ANXA5: variants seen among roughly 807,000 people sequenced by gnomAD.
ANXA5 encodes annexin A5, also known as CBP-I.
ANXA5 carries 40 observed loss-of-function variants against 48.1 expected under a neutral mutation model. The ratio of observed to expected loss-of-function variants is 0.83; its 90% confidence interval spans 0.65 to 1.08. The LOEUF (loss-of-function observed/expected upper bound fraction) is 1.08, where lower values mean the gene tolerates loss of function less well. Ranked by LOEUF, ANXA5 falls within the 50% of genes least tolerant of loss-of-function variation. The pLI, the probability that ANXA5 is intolerant of heterozygous loss-of-function variation, is 0.00. For synonymous variants in ANXA5, 113 were observed against 129.1 expected, an observed-to-expected ratio of 0.88 and a Z score of 0.85; for missense variants, 357 against 376.8, an observed-to-expected ratio of 0.95 and a Z score of 0.44.
At position 121,672,528 on chromosome 4, in the gene ANXA5, C is replaced by T. The variant is rs1239358852; in HGVS notation, c.625+5G>A. 1.9e-6 allele frequency: 3 copies of T among 1,610,942 alleles called. No homozygotes were observed. Among genetic ancestry groups the T allele is most frequent in the Non-Finnish European group, 2.5e-6 (3 of 1,177,826 alleles). On this transcript the variant is annotated splice_donor_5th_base_variant and intron_variant, in intron 9 of 12. Coordinates refer to ENST00000296511, the MANE Select transcript of ANXA5 (RefSeq NM_001154.4). ...ATCTGCCCCATACAGATTTTTTTCA[C>T]TCACCCTTTCTCAAATGAGACACAC...
chr4:121,694,042 T>G (rs1280199954), intron 2 of ANXA5, among the ~76,000 whole-genome samples: 3 of 140,842 alleles, frequency 2.1e-5, no homozygotes, highest in African/African-American at 7.8e-5. Context: ...CTGATGTTCA[T>G]GAGAACACTT....
In ANXA5 at chr4:121,686,291, A is replaced by T; in HGVS notation, c.91T>A (p.Leu31Met). The T allele has an allele frequency of 1.2e-6, 2 of 1,613,390 alleles. No individual in the cohort carries two copies. The highest frequency in any genetic ancestry group is 1.7e-6 in the Non-Finnish European group (2 of 1,179,618). ...AGAAAGAGGAAGCTAAATTTACCCA[A>T]GCCTTTCATAGCCTTCCGAAGAGTT... ...AETLRKAMKG[L>M]GTDEESILTL... The change falls in exon 3 of 13, where the codon TTG (leucine) becomes ATG (methionine). Residue 31 changes from leucine (L) to methionine (M), a missense_variant. Transcript: ENST00000296511.
chr4:121,683,278 T>G, intron 5 of ANXA5, 86 bp downstream of exon 5: 1 of 783,340 alleles, frequency 1.3e-6, no homozygotes, highest in East Asian at 3.1e-5. Context: ...ATAAAATTTT[T>G]TAAATATAAC....
chr4:121,695,490 G>A (rs546872493), intron 2 of ANXA5, among the ~76,000 whole-genome samples: 8 of 152,326 alleles, frequency 5.3e-5, no homozygotes, highest in Non-Finnish European at 1.2e-4. Context: ...AAGCCGGTTA[G>A]ATTGACAAGA....
At chr4:121,676,772 G>C (rs1197132470) in intron 8 of ANXA5, among the ~76,000 whole-genome samples, 1 of 152,096 alleles carries the variant, frequency 6.6e-6, no homozygotes, top group African/African-American at 2.4e-5. Context: ...GGTGAAGCGG[G>C]GTGGGAGGGG....
chr4:121,695,698 T>A (rs1292117124), intron 2 of ANXA5, among the ~76,000 whole-genome samples: 4 of 151,180 alleles, frequency 2.6e-5, no homozygotes, highest in African/African-American at 9.7e-5. Flanking sequence ...AGGCAAGGAG[T>A]TTGAGACCAG....
At chr4:121,682,629 G>C (rs1021204750) in intron 5 of ANXA5, among the ~76,000 whole-genome samples, 1 of 152,030 alleles carries the variant, frequency 6.6e-6, no homozygotes, top group Admixed American at 6.6e-5. Flanking sequence ...GGAAAATGAA[G>C]AGACTGAGCA....
intron 9 of ANXA5, among the ~76,000 whole-genome samples, chr4:121,671,995 A>C (rs938534850): frequency 6.6e-6 from 1 of 152,200 alleles, no homozygotes; most frequent in African/African-American, 2.4e-5. Context: ...GAGCTAGAGC[A>C]GACATCTTAT....
chr4:121,685,645 G>C (rs1355019875), intron 3 of ANXA5, among the ~76,000 whole-genome samples: 2 of 152,206 alleles, frequency 1.3e-5, no homozygotes, highest in Admixed American at 1.3e-4. Flanking sequence ...AGTACAAAAG[G>C]AGCCTGAGCA....
intron 2 of ANXA5, among the ~76,000 whole-genome samples, chr4:121,690,433 G>C (rs1210262306): frequency 1.3e-5 from 2 of 152,206 alleles, no homozygotes; most frequent in Non-Finnish European, 2.9e-5. Flanking sequence ...AGCTAAGAGT[G>C]AAAGGGTCCA....
intron 6 of ANXA5, among the ~76,000 whole-genome samples, chr4:121,681,032 G>C (rs996692566): frequency 6.6e-6 from 1 of 152,124 alleles, no homozygotes; most frequent in South Asian, 2.1e-4. Flanking sequence ...TCAGGCAGGA[G>C]AAAGAGTTGG....
chr4:121,694,787 G>T (rs962142745), intron 2 of ANXA5, among the ~76,000 whole-genome samples: 6 of 152,120 alleles, frequency 3.9e-5, no homozygotes, highest in Admixed American at 1.3e-4. Flanking sequence ...AACATTACTT[G>T]TAACTTTTAT....
Position 121,672,526 on chromosome 4 carries a change from C to T in ANXA5, c.625+7G>A. 1 of 1,609,640 alleles carries T rather than the reference C, an allele frequency of 6.2e-7. No individual in the cohort carries two copies. Among genetic ancestry groups the T allele is most frequent in the Non-Finnish European group, 8.5e-7 (1 of 1,176,930 alleles). ...GTATCTGCCCCATACAGATTTTTTT[C>T]ACTCACCCTTTCTCAAATGAGACAC... On this transcript the variant is annotated splice_region_variant and intron_variant, in intron 9 of 12. Coordinates refer to ENST00000296511, the MANE Select transcript of ANXA5 (RefSeq NM_001154.4).
Position 121,669,702 on chromosome 4 carries a change from G to C in ANXA5, c.803C>G (p.Thr268Ser), listed in dbSNP as rs778608015. 3.1e-6 allele frequency: 5 copies of C among 1,610,816 alleles called. No homozygotes were observed. The East Asian group carries it at 6.7e-5, about 22-fold the overall frequency. The change falls in exon 12 of 13, where the codon ACC (threonine) becomes AGC (serine). Residue 268 changes from threonine to serine, a missense_variant. Physicochemically the swap from Thr to Ser is moderately conservative, Grantham distance 58. Transcript: ENST00000296511. ...AMKGAGTDDH[T>S]LIRVMVSRSE... ...CCTGGAAACCATGACTCTGATGAGG[G>C]TATGATCATCTGTCCCAGCTCCCTT...
intron 4 of ANXA5, among the ~76,000 whole-genome samples, chr4:121,684,354 T>C (rs1329285822): frequency 6.6e-6 from 1 of 152,178 alleles, no homozygotes; most frequent in East Asian, 1.9e-4. Context: ...AATACAGGCT[T>C]ACACCTAGAA....
chr4:121,686,825 G>A (rs1414542903), intron 2 of ANXA5, among the ~76,000 whole-genome samples: 1 of 152,072 alleles, frequency 6.6e-6, no homozygotes, highest in Non-Finnish European at 1.5e-5. Flanking sequence ...TACATACTTA[G>A]GGACTTTACG....
chr4:121,671,742 TCC>T, intron 9 of ANXA5, 100 bp from the exon 10 acceptor site: 2 of 778,962 alleles, frequency 2.6e-6, no homozygotes, highest in Non-Finnish European at 4.2e-6. Flanking sequence ...AACACAAATC[TCC>T]CCTTCTTCCT....
At chr4:121,683,570 C>T in intron 4 of ANXA5, 93 bp from the exon 5 acceptor site, 1 of 676,034 alleles carries the variant, frequency 1.5e-6, no homozygotes, top group Non-Finnish European at 2.5e-6. Flanking sequence ...CTAATGAATT[C>T]TTTATGTTGC....
Position 121,696,617 on chromosome 4 carries a change from A to T in ANXA5, c.-28T>A. On this transcript the variant is annotated 5_prime_UTR_variant, in exon 2 of 13. Transcript: ENST00000296511. ...CGACTACTCAGGTCAGGGGAAGGTG[A>T]AGCAGGACTGCAAAAGAGAAGAAAC... 1 of 1,402,876 alleles carries T rather than the reference A, an allele frequency of 7.1e-7. No individual in the cohort carries two copies. The highest frequency in any genetic ancestry group is 1.8e-5 in the South Asian group (1 of 54,130). 86.9% of individuals were successfully genotyped at this position (1,402,876 alleles called of 1,614,324 possible).
Sources: gnomAD v4.1 joint callset for allele counts (sites outside exome capture counted in the v4.1 genomes callset) on GRCh38, gnomAD v4.1.1 for gene constraint, MANE v1.5 for transcripts, NCBI Gene and HGNC (gene_info 2026-07-23, HGNC 2026-07-21) for gene names.